The following PABIR2 variants were observed in gnomAD, a reference collection of about 807,000 sequenced individuals.
The protein encoded by PABIR2 is family with sequence similarity 122B.
A neutral mutation model predicts 22.8 loss-of-function variants in PABIR2; 7 were observed. That is an observed-to-expected ratio of 0.31 (90% CI 0.17 to 0.58). The LOEUF (loss-of-function observed/expected upper bound fraction) is 0.58, where lower values mean the gene tolerates loss of function less well. Among genes scored for constraint, PABIR2 ranks in the 20% least tolerant of loss-of-function variants. The pLI is 0.89. For synonymous variants in PABIR2, 67 were observed against 73.8 expected, an observed-to-expected ratio of 0.91 and a Z score of 0.47; for missense variants, 155 against 205.1, an observed-to-expected ratio of 0.76 and a Z score of 1.49.
chrX:134,783,478 G>C (rs1001961523), intron 8 of PABIR2, among the ~76,000 whole-genome samples: 1 of 112,479 alleles, frequency 8.9e-6, no homozygotes, highest in Non-Finnish European at 1.9e-5. Flanking sequence ...TGTAATCCCA[G>C]CATTTTGGGA....
intron 7 of PABIR2, 106 bp from the exon 8 acceptor site, chrX:134,786,056 T>C: frequency 2.7e-6 from 2 of 728,178 alleles, no homozygotes; most frequent in Non-Finnish European, 4.2e-6. Context: ...ATCTTATCAA[T>C]GACTGAAATG....
At chrX:134,795,642 G>A (rs923887253) in intron 1 of PABIR2, among the ~76,000 whole-genome samples, 1 of 112,214 alleles carries the variant, frequency 8.9e-6, no homozygotes, top group African/African-American at 3.2e-5. Context: ...CACGTACTAC[G>A]ATGTGAACAT....
At chrX:134,789,961 G>A (rs2079498038) in intron 2 of PABIR2, among the ~76,000 whole-genome samples, 1 of 110,305 alleles carries the variant, frequency 9.1e-6, no homozygotes, top group Admixed American at 9.8e-5. Flanking sequence ...CTAAAATAAA[G>A]AACAATATGA....
At chrX:134,778,534 A>C (rs1377625261) in intron 9 of PABIR2, among the ~76,000 whole-genome samples, 4 of 109,304 alleles carry the variant, frequency 3.7e-5, no homozygotes, top group African/African-American at 1.0e-4. Context: ...ATCATATTTA[A>C]AAATCTCTTA....
chrX:134,787,369 G>T, intron 7 of PABIR2, 103 bp downstream of exon 7: 1 of 798,702 alleles, frequency 1.3e-6, no homozygotes, highest in South Asian at 2.3e-5. Context: ...CAAAGTGCTA[G>T]GATTACAGGT....
At chrX:134,782,138 G>A (rs1359059836) in intron 8 of PABIR2, among the ~76,000 whole-genome samples, 6 of 112,058 alleles carry the variant, frequency 5.4e-5, no homozygotes, top group Non-Finnish European at 7.5e-5. Context: ...TATCCACAGC[G>A]TGCTATGGAC....
At chrX:134,780,838 A>T (rs758098287) in intron 9 of PABIR2, among the ~76,000 whole-genome samples, 1 of 112,445 alleles carries the variant, frequency 8.9e-6, no homozygotes, top group African/African-American at 3.2e-5. Flanking sequence ...AAAGACCTAA[A>T]CTAGGATGAG....
In PABIR2 at chrX:134,770,468, A is replaced by G. The variant is rs1228559635; in HGVS notation, c.*1671T>C. The G allele has an allele frequency of 8.9e-6, 1 of 112,868 alleles. No individual in the cohort carries two copies. The highest frequency in any genetic ancestry group is 2.8e-4 in the East Asian group (1 of 3,617). The allele number at this position is 112,868 out of a possible 1,213,427, so 9.3% of individuals were successfully genotyped here. A position where few individuals can be genotyped will look rare whatever the true frequency, so the allele number is the denominator to read the frequency against. On this transcript the variant is annotated 3_prime_UTR_variant, in exon 10 of 10. Coordinates refer to ENST00000343004, the MANE Select transcript of PABIR2 (RefSeq NM_001387468.1). ...TGCACGCTAAGTGATGCTCTCTTGTAATTGAAAGAGAATGGGTTTCCCTTC... is the reference window on the plus strand; with the variant it reads ...TGCACGCTAAGTGATGCTCTCTTGTGATTGAAAGAGAATGGGTTTCCCTTC...
In PABIR2 at chrX:134,788,146, T is replaced by TAC. The variant is rs111385210; in HGVS notation, c.435+582_435+583dup. ...ATACACGTTATATATGTGTAATATATACGTTATATATGTGTAATATATACA... is the reference window on the plus strand; with the variant it reads ...ATACACGTTATATATGTGTAATATATACACGTTATATATGTGTAATATATACA... On this transcript the variant is annotated intron_variant, in intron 6 of 9. Coordinates refer to ENST00000343004, the MANE Select transcript of PABIR2 (RefSeq NM_001387468.1). Among the ~76,000 whole-genome samples the TAC allele has an allele frequency of 4.4e-5, 4 of 90,186 alleles. 1 individual carries two copies. Among genetic ancestry groups the TAC allele is most frequent in the African/African-American group, 1.8e-4 (4 of 21,934 alleles). The allele number at this position is 90,186 out of a possible 115,157, so 78.3% of individuals were successfully genotyped here.
intron 1 of PABIR2, 47 bp downstream of exon 1, chrX:134,796,061 C>T (rs750114017): frequency 2.2e-5 from 25 of 1,121,621 alleles, no homozygotes; most frequent in Non-Finnish European, 2.7e-5. Context: ...TGCATGGGGG[C>T]AAGGAGCCCC....
chrX:134,774,219 A>G (rs975278860), intron 9 of PABIR2, among the ~76,000 whole-genome samples: 3 of 112,493 alleles, frequency 2.7e-5, no homozygotes, highest in African/African-American at 9.7e-5. Context: ...AACTACTGAA[A>G]GAAAGTTGCA....
chrX:134,794,764 TGGG>T (rs2079673435), intron 1 of PABIR2, among the ~76,000 whole-genome samples: 2 of 112,020 alleles, frequency 1.8e-5, no homozygotes, highest in Admixed American at 1.9e-4. Flanking sequence ...TGAACTGCAC[TGGG>T]CTTTCAGGGC....
At chrX:134,778,904 C>T (rs1224387825) in intron 9 of PABIR2, among the ~76,000 whole-genome samples, 3 of 110,663 alleles carry the variant, frequency 2.7e-5, no homozygotes, top group Admixed American at 9.6e-5. Flanking sequence ...GCTCTGCCTC[C>T]CGGGTTCACG....
intron 9 of PABIR2, among the ~76,000 whole-genome samples, chrX:134,774,902 C>A (rs1271342742): frequency 8.9e-6 from 1 of 112,064 alleles, no homozygotes; most frequent in Non-Finnish European, 1.9e-5. Flanking sequence ...GTTATTCTAT[C>A]CATGTCAAGT....
rs765826136 is a variant in PABIR2, at chrX:134,789,127, C to T, written c.291G>A (p.Thr97=). The T allele has an allele frequency of 5.8e-6, 7 of 1,211,923 alleles. No homozygotes were observed. Among genetic ancestry groups the T allele is most frequent in the African/African-American group, 1.7e-5 (1 of 57,815 alleles). The change falls in exon 5 of 10, where the codon ACG becomes ACA. Residue 97 remains threonine, a synonymous_variant. Coordinates refer to ENST00000343004, the MANE Select transcript of PABIR2 (RefSeq NM_001387468.1). ...RETAHEREMQ[T]AMQISQSWDE... ...CCCATGATTGGCTTATCTGCATTGC[C>T]GTTTGCATTTCCCTAAAATAAACAA...
At position 134,793,493 on chromosome X, in the gene PABIR2, T is replaced by C; in HGVS notation, c.177+322A>G. The C allele has an allele frequency of 1.8e-5, 6 of 332,876 alleles. No individual in the cohort carries two copies. In the South Asian group the frequency reaches 2.0e-4, roughly 11 times the overall value. 27.4% of individuals were successfully genotyped at this position (332,876 alleles called of 1,213,427 possible). On this transcript the variant is annotated intron_variant, in intron 2 of 9. Coordinates refer to ENST00000343004, the MANE Select transcript of PABIR2 (RefSeq NM_001387468.1). ...CTGCTACCTTTAAGTGATTTGTGCA[T>C]CCTACGACAAATGAAGACCACTGTT...
At position 134,772,105 on chromosome X, in the gene PABIR2, C is replaced by T. The variant is rs1179266862; in HGVS notation, c.*34G>A. 9.4e-6 allele frequency: 11 copies of T among 1,167,146 alleles called. No individual in the cohort carries two copies. Among genetic ancestry groups the T allele is most frequent in the African/African-American group, 1.8e-5 (1 of 56,110 alleles). On this transcript the variant is annotated 3_prime_UTR_variant, in exon 10 of 10. Transcript: ENST00000343004. ...CCCACTAAACATTTTATGTAGGAAACAGCAGTTAAAACGTTGAATCAGAAA... is the reference window on the plus strand; with the variant it reads ...CCCACTAAACATTTTATGTAGGAAATAGCAGTTAAAACGTTGAATCAGAAA...
rs1203161807 is a variant in PABIR2 at position 134,797,088 on chromosome X, G to C, written c.-883C>G. ...TCTCTCGGGTTCTAATGGTCTGGGG[G>C]AACCCGTTGGGGCCAAGACCAAAAT... is the stretch of plus-strand genomic sequence containing the variant. On this transcript the variant is annotated 5_prime_UTR_variant, in exon 1 of 10. Coordinates refer to ENST00000343004, the MANE Select transcript of PABIR2 (RefSeq NM_001387468.1). 1 of 113,789 alleles carries C rather than the reference G, an allele frequency of 8.8e-6. No homozygotes were observed. Among genetic ancestry groups the C allele is most frequent in the Non-Finnish European group, 1.9e-5 (1 of 53,465 alleles). The allele number at this position is 113,789 out of a possible 1,213,427, so 9.4% of individuals were successfully genotyped here. A position where few individuals can be genotyped will look rare whatever the true frequency, so the allele number is the denominator to read the frequency against.
rs1569438768 is a variant in PABIR2, at chrX:134,797,014, CAG to C, written c.-811_-810del. On this transcript the variant is annotated 5_prime_UTR_variant, in exon 1 of 10. Transcript: ENST00000343004. ...CCCTGCCCCCCTCCCGCCTCGAGGA[CAG>C]GTTGGGGGTTCGGCCTCTCAGCCGC... 8.8e-6 allele frequency: 1 copy of C among 113,650 alleles called. No individual in the cohort carries two copies. The highest frequency in any genetic ancestry group is 2.8e-4 in the East Asian group (1 of 3,572). 9.4% of individuals were successfully genotyped at this position (113,650 alleles called of 1,213,427 possible). A position where few individuals can be genotyped will look rare whatever the true frequency, so the allele number is the denominator to read the frequency against.
Sources: gnomAD v4.1 joint callset for allele counts (sites outside exome capture counted in the v4.1 genomes callset) on GRCh38, gnomAD v4.1.1 for gene constraint, MANE v1.5 for transcripts, NCBI Gene and HGNC (gene_info 2026-07-23, HGNC 2026-07-21) for gene names.